ACBD6: variants seen among roughly 807,000 people sequenced by gnomAD.
ACBD6 encodes the protein acyl-CoA-binding domain-containing protein 6.
ACBD6 carries 28 observed loss-of-function variants against 37.2 expected under a neutral mutation model. The observed-to-expected ratio is 0.75, with a 90% CI of 0.56 to 1.03. The LOEUF (loss-of-function observed/expected upper bound fraction) is 1.03. Among genes scored for constraint, ACBD6 ranks in the 50% least tolerant of loss-of-function variants. The pLI is 0.00. For synonymous variants in ACBD6, 113 were observed against 126.8 expected (o/e 0.89, Z 0.73); for missense variants, 340 against 337.4 (o/e 1.01, Z -0.06).
chr1:180,453,236 T>A (rs1649784671), intron 3 of ACBD6, among the ~76,000 whole-genome samples: 1 of 152,224 alleles, frequency 6.6e-6, no homozygotes, highest in Non-Finnish European at 1.5e-5. Flanking sequence ...GTTGGCTTCA[T>A]CTCTGGGATG....
chr1:180,279,500 G>A (rs1421225654), intron 9 of ACBD6, among the ~76,000 whole-genome samples: 1 of 152,150 alleles, frequency 6.6e-6, no homozygotes, highest in Non-Finnish European at 1.5e-5. Context: ...GTTTTGCCAC[G>A]TTGGCCAGGC....
rs573615204 is a variant in ACBD6, at chr1:180,502,354, T to C, written c.-88A>G. ...GGCTTGGAGGCCTGGCCCACCAGTC[T>C]GGGTCGCGAGCCTGAGCTCCAGTCG... On this transcript the variant is annotated 5_prime_UTR_variant, in exon 1 of 8. Transcript: ENST00000367595. 6,184 of 1,463,250 alleles carry C rather than the reference T, an allele frequency of 4.2e-3. 16 individuals are homozygous for C. Among genetic ancestry groups the C allele is most frequent in the Non-Finnish European group, 5.0e-3 (5,319 of 1,062,660 alleles). The allele number at this position is 1,463,250 out of a possible 1,614,324, so 90.6% of individuals were successfully genotyped here. A position where few individuals can be genotyped will look rare whatever the true frequency, so the allele number is the denominator to read the frequency against.
At chr1:180,378,800 C>T (rs554691768) in intron 6 of ACBD6, among the ~76,000 whole-genome samples, 1 of 152,082 alleles carries the variant, frequency 6.6e-6, no homozygotes, top group African/African-American at 2.4e-5. Flanking sequence ...GTGCTACCTG[C>T]AGATTTGGGC....
chr1:180,307,808 A>T (rs1420054485), intron 7 of ACBD6, among the ~76,000 whole-genome samples: 1 of 152,108 alleles, frequency 6.6e-6, no homozygotes, highest in Non-Finnish European at 1.5e-5. Flanking sequence ...TACAAAAACT[A>T]GCTGGGTATG....
At chr1:180,430,627 G>C (rs1648774579) in intron 3 of ACBD6, among the ~76,000 whole-genome samples, 1 of 149,458 alleles carries the variant, frequency 6.7e-6, no homozygotes, top group Non-Finnish European at 1.5e-5. Context: ...ATCGTATCTA[G>C]ATTTATAAAA....
intron 3 of ACBD6, among the ~76,000 whole-genome samples, chr1:180,470,807 C>T (rs759353184): frequency 1.8e-4 from 28 of 152,074 alleles, no homozygotes; most frequent in Non-Finnish European, 2.8e-4. Context: ...TGTTTGTGCT[C>T]ACAAAAAGTA....
At chr1:180,455,383 C>A (rs1412396106) in intron 3 of ACBD6, among the ~76,000 whole-genome samples, 2 of 149,744 alleles carry the variant, frequency 1.3e-5, no homozygotes, top group Non-Finnish European at 3.0e-5. Context: ...GGTTGGGGGA[C>A]AGGGGGAGGG....
chr1:180,362,906 C>T (rs1652901628), intron 6 of ACBD6, among the ~76,000 whole-genome samples: 1 of 152,190 alleles, frequency 6.6e-6, no homozygotes, highest in South Asian at 2.1e-4. Context: ...TGGCATAGAA[C>T]CTATGCTAAT....
chr1:180,415,570 A>C (rs1648055868), intron 4 of ACBD6, among the ~76,000 whole-genome samples: 1 of 152,202 alleles, frequency 6.6e-6, no homozygotes, highest in African/African-American at 2.4e-5. Context: ...TGTCTTTTAA[A>C]GTCATAGCAA....
At chr1:180,449,954 A>G (rs1268489229) in intron 3 of ACBD6, among the ~76,000 whole-genome samples, 1 of 151,052 alleles carries the variant, frequency 6.6e-6, no homozygotes, top group African/African-American at 2.4e-5. Flanking sequence ...TAATTTCCGG[A>G]TGACAGGGTC....
At chr1:180,492,149 A>G in intron 3 of ACBD6, 120 bp downstream of exon 3, 1 of 767,830 alleles carries the variant, frequency 1.3e-6, no homozygotes, top group African/African-American at 1.8e-5. Flanking sequence ...TAACTTTAAA[A>G]TATTTCAAGA....
At chr1:180,472,514 G>C (rs1220464656) in intron 3 of ACBD6, among the ~76,000 whole-genome samples, 1 of 152,140 alleles carries the variant, frequency 6.6e-6, no homozygotes, top group Non-Finnish European at 1.5e-5. Context: ...AAGGCAGGCT[G>C]GGTGGTTGTG....
chr1:180,302,386 G>C (rs1366557850), intron 7 of ACBD6, among the ~76,000 whole-genome samples: 1 of 151,670 alleles, frequency 6.6e-6, no homozygotes, highest in Non-Finnish European at 1.5e-5. Flanking sequence ...CCCTGCATAT[G>C]AATCTGGGTG....
chr1:180,469,120 A>T (rs190728740), intron 3 of ACBD6, among the ~76,000 whole-genome samples: 1 of 152,282 alleles, frequency 6.6e-6, no homozygotes, highest in Admixed American at 6.5e-5. Context: ...AGAAATTCAG[A>T]CCCAAATCTG....
intron 7 of ACBD6, among the ~76,000 whole-genome samples, chr1:180,309,106 A>G (rs2149288319): frequency 6.6e-6 from 1 of 152,294 alleles, no homozygotes; most frequent in Non-Finnish European, 1.5e-5. Context: ...AAGGCAATTA[A>G]CATTATTAGC....
chr1:180,429,342 A>G (rs779925695), intron 4 of ACBD6, among the ~76,000 whole-genome samples: 1 of 152,208 alleles, frequency 6.6e-6, no homozygotes. Context: ...TACCTTATGT[A>G]AGTATAATCG....
intron 6 of ACBD6, among the ~76,000 whole-genome samples, chr1:180,349,267 CTTT>C (rs11318564): frequency 1.4e-5 from 2 of 139,220 alleles, no homozygotes; most frequent in Non-Finnish European, 3.1e-5. Flanking sequence ...ATTTTAATTT[CTTT>C]TTTTTTTTTG....
intron 3 of ACBD6, among the ~76,000 whole-genome samples, chr1:180,432,461 C>T (rs1308982383): frequency 2.6e-5 from 4 of 151,854 alleles, no homozygotes; most frequent in Admixed American, 2.0e-4. Context: ...GGACAACTTA[C>T]CAAAGAAGAT....
rs10913989 is a variant in ACBD6 at position 180,420,853 on chromosome 1, G to A, written c.468-7382C>T. Among the ~76,000 whole-genome samples the A allele has an allele frequency of 7.0e-3, 1,069 of 152,228 alleles. 9 individuals are homozygous for A. The highest frequency in any genetic ancestry group is 0.024 in the African/African-American group (999 of 41,524). ...GATCATAAACCCGCCTGAATTTGCA[G>A]AAAACAGAGGTAGCCTATCCCTTCC... On this transcript the variant is annotated intron_variant, in intron 4 of 7. Coordinates refer to ENST00000367595, the MANE Select transcript of ACBD6 (RefSeq NM_032360.4).
Sources: allele counts gnomAD v4.1 joint callset (sites outside exome capture counted in the v4.1 genomes callset), GRCh38; gene constraint gnomAD v4.1.1; transcripts MANE v1.5; gene names NCBI Gene and HGNC (gene_info 2026-07-23, HGNC 2026-07-21).